Variants in CLVS1 observed in about 807,000 individuals in gnomAD.
CLVS1 encodes the protein clavesin-1.
A neutral mutation model predicts 33.1 loss-of-function variants in CLVS1; 10 were observed. That is an observed-to-expected ratio of 0.30 (90% CI 0.19 to 0.51). The LOEUF (loss-of-function observed/expected upper bound fraction) is 0.51. CLVS1 is among the 20% of genes least tolerant of loss of function. The probability of loss-of-function intolerance (pLI) is 0.97; values close to 1 mark genes in which losing one functional copy is unlikely to be tolerated. For synonymous variants in CLVS1, 163 were observed against 166.1 expected (o/e 0.98, Z 0.14); for missense variants, 343 against 433.4 (o/e 0.79, Z 1.85).
At chr8:61,424,734 G>C (rs530723287) in intron 3 of CLVS1, among the ~76,000 whole-genome samples, 1 of 152,230 alleles carries the variant, frequency 6.6e-6, no homozygotes, top group South Asian at 2.1e-4. Context: ...ATTAGGTAAA[G>C]GTAGCTAAGA....
At chr8:61,338,110 A>G (rs1229590306) in intron 2 of CLVS1, among the ~76,000 whole-genome samples, 1 of 152,050 alleles carries the variant, frequency 6.6e-6, no homozygotes, top group African/African-American at 2.4e-5. Context: ...TGGACCCTCA[A>G]TGTCACACTT....
intron 1 of CLVS1, among the ~76,000 whole-genome samples, chr8:61,097,311 AAATT>A (rs531275077): frequency 3.0e-4 from 46 of 152,100 alleles, no homozygotes; most frequent in Middle Eastern, 6.8e-3. Flanking sequence ...TAAAAAAATT[AAATT>A]AATTAATTAA....
intron 1 of CLVS1, among the ~76,000 whole-genome samples, chr8:61,072,141 G>A (rs748972314): frequency 9.2e-5 from 14 of 152,166 alleles, no homozygotes; most frequent in Non-Finnish European, 1.6e-4. Context: ...TCTGCTGCAC[G>A]TCTCGGTTCA....
chr8:61,232,457 T>C (rs1808468479), intron 2 of CLVS1, among the ~76,000 whole-genome samples: 1 of 152,152 alleles, frequency 6.6e-6, no homozygotes, highest in Non-Finnish European at 1.5e-5. Context: ...ATATGGAAAG[T>C]TTGTGGATCT....
chr8:61,101,301 T>C (rs913817953), intron 1 of CLVS1, among the ~76,000 whole-genome samples: 8 of 152,198 alleles, frequency 5.3e-5, no homozygotes, highest in African/African-American at 1.9e-4. Context: ...CATTGTCATT[T>C]TAGTTTGCAT....
intron 2 of CLVS1, among the ~76,000 whole-genome samples, chr8:61,241,496 G>A (rs1004485840): frequency 6.6e-6 from 1 of 151,748 alleles, no homozygotes; most frequent in Non-Finnish European, 1.5e-5. Context: ...ACTTTTCACA[G>A]TTCACTTAGG....
rs748961896 is a variant in CLVS1 at position 61,146,713 on chromosome 8, C to T, written c.-152+14853C>T. ...CAGCAAAGAAGAACAGGACAAATGGCGAGGAGCATTATTGGATTGGGGGTG... is the reference window on the plus strand; with the variant it reads ...CAGCAAAGAAGAACAGGACAAATGGTGAGGAGCATTATTGGATTGGGGGTG... On this transcript the variant is annotated intron_variant, in intron 2 of 2. Transcript: ENST00000522621. 1.3e-4 allele frequency among the ~76,000 whole-genome samples: 20 copies of T among 152,216 alleles called. No homozygotes were observed. In the South Asian group the frequency reaches 1.9e-3, roughly 14 times the overall value.
chr8:61,096,686 T>C (rs1172738465), intron 1 of CLVS1, among the ~76,000 whole-genome samples: 1 of 152,188 alleles, frequency 6.6e-6, no homozygotes, highest in Non-Finnish European at 1.5e-5. Flanking sequence ...CTTCTCACTC[T>C]AAGTGAGTGA....
intron 2 of CLVS1, among the ~76,000 whole-genome samples, chr8:61,306,673 A>C (rs1810638209): frequency 6.6e-6 from 1 of 152,174 alleles, no homozygotes; most frequent in African/African-American, 2.4e-5. Flanking sequence ...CCAGTAGTGA[A>C]ATTACTGGAT....
chr8:61,315,903 G>T (rs6982994), intron 2 of CLVS1, among the ~76,000 whole-genome samples: 15,305 of 151,846 alleles, frequency 0.1, 1,870 homozygotes, highest in African/African-American at 0.28. Context: ...CAATAGGCCC[G>T]GGTGTGTGAT....
intron 5 of CLVS1, among the ~76,000 whole-genome samples, chr8:61,491,709 A>C (rs1039541313): frequency 2.0e-4 from 30 of 152,362 alleles, no homozygotes; most frequent in Admixed American, 1.8e-3. Flanking sequence ...GCCTGATCAA[A>C]AAAGCAGGAG....
intron 2 of CLVS1, among the ~76,000 whole-genome samples, chr8:61,375,803 A>T (rs1008161275): frequency 6.6e-6 from 1 of 152,230 alleles, no homozygotes; most frequent in African/African-American, 2.4e-5. Flanking sequence ...AGCTCAGATA[A>T]TTTACTGAGT....
chr8:61,291,854 G>T (rs1401891736), intron 1 of CLVS1, among the ~76,000 whole-genome samples: 1 of 152,126 alleles, frequency 6.6e-6, no homozygotes, highest in Non-Finnish European at 1.5e-5. Context: ...GTTCCTCCTG[G>T]ACAGTGCATT....
chr8:61,343,756 G>C (rs946791614), intron 2 of CLVS1, among the ~76,000 whole-genome samples: 2 of 152,112 alleles, frequency 1.3e-5, no homozygotes, highest in African/African-American at 4.8e-5. Flanking sequence ...ATCCTCAGGG[G>C]ACACCTCTTA....
chr8:61,071,509 C>G (rs188900585), intron 1 of CLVS1, among the ~76,000 whole-genome samples: 51 of 152,314 alleles, frequency 3.3e-4, no homozygotes, highest in Middle Eastern at 3.4e-3. Flanking sequence ...ATCATAATAA[C>G]ATTTAGGGTC....
intron 3 of CLVS1, among the ~76,000 whole-genome samples, chr8:61,415,725 A>G (rs972974070): frequency 6.6e-6 from 1 of 152,128 alleles, no homozygotes; most frequent in African/African-American, 2.4e-5. Flanking sequence ...AATGTTTCCA[A>G]TGACTGGCCA....
chr8:61,458,552 G>A lies in CLVS1; in HGVS notation c.977+10G>A, dbSNP rs1817246631. On this transcript the variant is annotated intron_variant, in intron 5 of 5. Transcript: ENST00000325897. Reference sequence around the variant, plus strand: ...CCAAGCTGATGAAAAGGTAAGGCCTGGGTTATCAGAGCCCCCCCCCCAGTC... The same window carrying A: ...CCAAGCTGATGAAAAGGTAAGGCCTAGGTTATCAGAGCCCCCCCCCCAGTC... The A allele has an allele frequency of 6.4e-7, 1 of 1,550,700 alleles. No homozygotes were observed. The highest frequency in any genetic ancestry group is 1.2e-5 in the South Asian group (1 of 83,278).
chr8:61,410,810 T>G (rs1020551070), intron 3 of CLVS1, among the ~76,000 whole-genome samples: 2 of 152,010 alleles, frequency 1.3e-5, no homozygotes, highest in Non-Finnish European at 2.9e-5. Context: ...ACCAGCTGAT[T>G]TTTGTATTTT....
At chr8:61,347,674 A>C (rs571176051) in intron 2 of CLVS1, among the ~76,000 whole-genome samples, 16 of 81,218 alleles carry the variant, frequency 2.0e-4, no homozygotes, top group African/African-American at 7.7e-4. Flanking sequence ...ATATATATAT[A>C]TATATATATC....
Sources: gnomAD v4.1 joint callset for allele counts (sites outside exome capture counted in the v4.1 genomes callset) on GRCh38, gnomAD v4.1.1 for gene constraint, MANE v1.5 for transcripts, NCBI Gene and HGNC (gene_info 2026-07-23, HGNC 2026-07-21) for gene names.